SIK3: variants seen among roughly 807,000 people sequenced by gnomAD.
SIK3 encodes serine/threonine-protein kinase SIK3.
In SIK3, 28 loss-of-function variants were observed where a neutral mutation model predicts 144.2. The ratio of observed to expected loss-of-function variants is 0.19; its 90% CI spans 0.14 to 0.27. SIK3 has a LOEUF of 0.27. Among genes scored for constraint, SIK3 ranks in the 10% least tolerant of loss-of-function variants. SIK3 has a pLI of 1.00. For missense variants in SIK3, 1,319 were observed against 1,776.0 expected, an observed-to-expected ratio of 0.74 and a Z score of 4.62; for synonymous variants, 686 against 676.3, an observed-to-expected ratio of 1.01 and a Z score of -0.22.
At chr11:117,097,618 A>G (rs902914125) in intron 1 of SIK3, among the ~76,000 whole-genome samples, 3 of 152,090 alleles carry the variant, frequency 2.0e-5, no homozygotes, top group African/African-American at 4.8e-5. Context: ...TTAAGGCACC[A>G]GGATCCTGGG....
intron 3 of SIK3, among the ~76,000 whole-genome samples, chr11:116,930,464 T>G (rs1947537469): frequency 6.6e-6 from 1 of 152,228 alleles, no homozygotes; most frequent in African/African-American, 2.4e-5. Flanking sequence ...TAACTTTCAG[T>G]GAAGAAATCC....
chr11:116,877,127 G>A, intron 6 of SIK3, 85 bp from the exon 7 acceptor site: 3 of 1,138,590 alleles, frequency 2.6e-6, no homozygotes, highest in South Asian at 2.5e-5. Flanking sequence ...AGCCAGCAGG[G>A]AGGCTATCCA....
At position 116,959,376 on chromosome 11, in the gene SIK3, G is replaced by C. The variant is rs144578147; in HGVS notation, c.274-2312C>G. On this transcript the variant is annotated intron_variant, in intron 1 of 24. Coordinates refer to ENST00000445177, the MANE Select transcript of SIK3 (RefSeq NM_001366686.3). ...TGGAAATGGGTTACAAGCAATAATG[G>C]ATCACCTCCAATCTCAACTTTCTGT... 7.7e-3 allele frequency among the ~76,000 whole-genome samples: 1,176 copies of C among 152,186 alleles called. 11 individuals carry two copies. Among genetic ancestry groups the C allele is most frequent in the Middle Eastern group, 0.024 (7 of 294 alleles).
At chr11:116,986,680 T>G (rs147999691) in intron 1 of SIK3, among the ~76,000 whole-genome samples, 95 of 152,334 alleles carry the variant, frequency 6.2e-4, no homozygotes, top group African/African-American at 1.9e-3. Flanking sequence ...TAAGTGTTAG[T>G]CACTAGCTAT....
At chr11:116,931,406 T>C (rs1947596581) in intron 3 of SIK3, among the ~76,000 whole-genome samples, 1 of 152,186 alleles carries the variant, frequency 6.6e-6, no homozygotes, top group Non-Finnish European at 1.5e-5. Flanking sequence ...GTGTCAGAGG[T>C]ATGCCACTAA....
intron 6 of SIK3, among the ~76,000 whole-genome samples, chr11:116,878,202 T>A (rs1944358718): frequency 6.6e-6 from 1 of 152,180 alleles, no homozygotes; most frequent in South Asian, 2.1e-4. Flanking sequence ...CTACCCGGTC[T>A]TTCTGCTTCC....
rs376688028 is a variant in SIK3 at position 116,854,099 on chromosome 11, C to G, written c.3655+3711G>C. The stretch of plus-strand genomic sequence containing the variant: ...ATATGGCTGGGTGTGGTGGCTCATG[C>G]CTGTAATACCAGCATTTTGGGAGGC... On this transcript the variant is annotated intron_variant, in intron 21 of 24. Transcript: ENST00000445177. Among the ~76,000 whole-genome samples the G allele has an allele frequency of 1.1e-4, 17 of 152,256 alleles. 1 individual carries two copies. The East Asian group carries it at 1.7e-3, about 16-fold the overall frequency.
In SIK3 at chr11:116,983,487, G is replaced by C. The variant is rs376200834; in HGVS notation, c.274-26423C>G. On this transcript the variant is annotated intron_variant, in intron 1 of 24. Coordinates refer to ENST00000445177, the MANE Select transcript of SIK3 (RefSeq NM_001366686.3). Reference sequence around the variant, plus strand: ...AGAAGTTGCAGTGAGCCGAGATTGTGCCACTGCACTCCAGCCTGGGCGACA... The same window carrying C: ...AGAAGTTGCAGTGAGCCGAGATTGTCCCACTGCACTCCAGCCTGGGCGACA... Among the ~76,000 whole-genome samples, 8 of 151,564 alleles carry C rather than the reference G, an allele frequency of 5.3e-5. 1 individual carries two copies. The South Asian group carries it at 8.4e-4, about 16-fold the overall frequency.
rs1943144221 is a variant in SIK3 at position 116,858,828 on chromosome 11, T to C, written c.2766-129A>G. ...TGTGGTGTGACAGAGAAGTGGCAGA[T>C]GTATGCATTGTCCCTATTTATTCCA... is the stretch of plus-strand genomic sequence containing the variant. On this transcript the variant is annotated intron_variant, in intron 20 of 24. Transcript: ENST00000445177. This position sits in a 1 kb window ranked among gnomAD's most constrained non-coding sequence, Gnocchi z 5.4. 2 of 1,342,090 alleles carry C rather than the reference T, an allele frequency of 1.5e-6. No individual in the cohort carries two copies. Among genetic ancestry groups the C allele is most frequent in the Admixed American group, 5.7e-5 (2 of 35,136 alleles). The allele number at this position is 1,342,090 out of a possible 1,614,324, so 83.1% of individuals were successfully genotyped here.
intron 22 of SIK3, among the ~76,000 whole-genome samples, chr11:116,848,337 A>G (rs1942165198): frequency 6.6e-6 from 1 of 151,868 alleles, no homozygotes; most frequent in Non-Finnish European, 1.5e-5. Context: ...ACAGAGCAAG[A>G]CTCTGTCTCA....
intron 1 of SIK3, among the ~76,000 whole-genome samples, chr11:117,079,736 A>G (rs1393434871): frequency 6.6e-6 from 1 of 152,050 alleles, no homozygotes; most frequent in Admixed American, 6.6e-5. Flanking sequence ...AGCAAGCCAT[A>G]AAGAGAAAAA....
At chr11:117,069,357 A>C (rs1211517199) in intron 1 of SIK3, among the ~76,000 whole-genome samples, 4 of 152,034 alleles carry the variant, frequency 2.6e-5, no homozygotes, top group African/African-American at 9.7e-5. Context: ...CCCCCAGCAA[A>C]TCTCAGACAC....
chr11:117,007,020 C>A (rs1450004113), intron 1 of SIK3, among the ~76,000 whole-genome samples: 2 of 152,230 alleles, frequency 1.3e-5, no homozygotes, highest in African/African-American at 4.8e-5. Flanking sequence ...ACCCTCAATT[C>A]ACTACTATCC....
intron 1 of SIK3, among the ~76,000 whole-genome samples, chr11:117,046,699 C>G (rs1354917508): frequency 6.6e-6 from 1 of 151,972 alleles, no homozygotes; most frequent in Non-Finnish European, 1.5e-5. Flanking sequence ...AGCCACATGG[C>G]AAAACCCCGT....
intron 1 of SIK3, among the ~76,000 whole-genome samples, chr11:117,072,863 A>G (rs2136008480): frequency 6.6e-6 from 1 of 152,372 alleles, no homozygotes; most frequent in East Asian, 1.9e-4. Flanking sequence ...CAAAAAGTAT[A>G]CATCAGTATT....
In SIK3 at chr11:116,972,958, G is replaced by A. The variant is rs188307152; in HGVS notation, c.274-15894C>T. On this transcript the variant is annotated intron_variant, in intron 1 of 24. Transcript: ENST00000445177. ...ACTGTGGGTGGCATCAAAGAACTGC[G>A]GGCAGTCTCTCTAGGATCAGTCTCT... is the stretch of plus-strand genomic sequence containing the variant. Among the ~76,000 whole-genome samples, 299 of 152,192 alleles carry A rather than the reference G, an allele frequency of 2.0e-3. 2 individuals carry two copies. Among genetic ancestry groups the A allele is most frequent in the African/African-American group, 6.4e-3 (267 of 41,512 alleles).
chr11:116,854,170 G>A (rs757873789), intron 21 of SIK3, among the ~76,000 whole-genome samples: 2 of 151,984 alleles, frequency 1.3e-5, no homozygotes, highest in Non-Finnish European at 1.5e-5. Flanking sequence ...GATCAGCCCC[G>A]GCGACATAGC....
At chr11:116,903,484 G>GA (rs1243861554) in intron 4 of SIK3, among the ~76,000 whole-genome samples, 57 of 152,054 alleles carry the variant, frequency 3.7e-4, no homozygotes, top group African/African-American at 1.4e-3. Flanking sequence ...CCAAGTTGGA[G>GA]GAAAAAAATT....
chr11:116,862,384 A>G, intron 16 of SIK3, 57 bp from the exon 17 acceptor site: 6 of 1,608,860 alleles, frequency 3.7e-6, no homozygotes, highest in Non-Finnish European at 4.3e-6. Flanking sequence ...TCATGCAGTG[A>G]TTTCAGCAGA....
Sources: allele counts gnomAD v4.1 joint callset (sites outside exome capture counted in the v4.1 genomes callset), GRCh38; gene constraint gnomAD v4.1.1; non-coding constraint Gnocchi (gnomAD v3.1); transcripts MANE v1.5; gene names NCBI Gene and HGNC (gene_info 2026-07-23, HGNC 2026-07-21).